FAT4: variants seen among roughly 807,000 people sequenced by gnomAD.
The protein encoded by FAT4 is FAT atypical cadherin 4, also known as protocadherin Fat 4.
In FAT4, 84 loss-of-function variants were observed where a neutral mutation model predicts 303.9. The ratio of observed to expected loss-of-function variants is 0.28; its 90% CI spans 0.23 to 0.33. The LOEUF (loss-of-function observed/expected upper bound fraction) is 0.33. FAT4 is among the 10% of genes least tolerant of loss of function. FAT4 has a pLI of 1.00. For synonymous variants in FAT4, 2,307 were observed against 2,298.8 expected (o/e 1.00, Z -0.10); for missense variants, 6,005 against 6,146.8 (o/e 0.98, Z 0.77).
intron 2 of FAT4, among the ~76,000 whole-genome samples, chr4:125,353,439 C>A (rs2125979937): frequency 6.6e-6 from 1 of 151,538 alleles, no homozygotes; most frequent in East Asian, 1.9e-4. Flanking sequence ...TTGTACTGTG[C>A]CCCAAATTGG....
chr4:125,319,795 C>T lies in FAT4; in HGVS notation c.3384C>T (p.Asp1128=), dbSNP rs1291448764. ...GCAAAGTAAGTGCTGTAGATAAAGACTTTGGGCCAAATGGAGAAGTAAGGT... is the reference window on the plus strand; with the variant it reads ...GCAAAGTAAGTGCTGTAGATAAAGATTTTGGGCCAAATGGAGAAGTAAGGT... ...FVGKVSAVDK[D]FGPNGEVRYS... The change falls in exon 2 of 18, where the codon GAC becomes GAT. Residue 1128 remains aspartate (D), a synonymous_variant. Transcript: ENST00000394329. The T allele has an allele frequency of 6.2e-7, 1 of 1,614,170 alleles. No homozygotes were observed. The highest frequency in any genetic ancestry group is 2.2e-5 in the East Asian group (1 of 44,876).
At chr4:125,403,199 C>T (rs1167004956) in intron 3 of FAT4, among the ~76,000 whole-genome samples, 1 of 152,054 alleles carries the variant, frequency 6.6e-6, no homozygotes, top group African/African-American at 2.4e-5. Context: ...ACTAAATTAA[C>T]CTCCAAAACA....
In FAT4 at chr4:125,490,569, A is replaced by G. The variant is rs755789055; in HGVS notation, c.13753A>G (p.Ile4585Val). The G allele has an allele frequency of 6.2e-7, 1 of 1,614,162 alleles. No homozygotes were observed. Among genetic ancestry groups the G allele is most frequent in the South Asian group, 1.1e-5 (1 of 91,082 alleles). The change falls in exon 18 of 18, where the codon ATC becomes GTC. Residue 4585 changes from isoleucine (I) to valine (V), a missense_variant. Ile to Val is a conservative substitution (Grantham distance 29). Coordinates refer to ENST00000394329, the MANE Select transcript of FAT4 (RefSeq NM_001291303.3). The stretch of plus-strand genomic sequence containing the variant: ...GCCTGAAGGGAACCCAAAACCAGAT[A>G]TCATTGAAAGGGAAAACCCCTACCT... ...KQPEGNPKPDIIERENPYLIY... is the reference protein window; with the variant it reads ...KQPEGNPKPDVIERENPYLIY...
rs758101910 is a variant in FAT4, at chr4:125,319,478, A to G, written c.3067A>G (p.Lys1023Glu). The part of the protein sequence containing the change: ...SRFFKVQASD[K>E]DSGANGEIAY... Reference sequence around the variant, plus strand: ...ATTCTTTAAAGTACAAGCTTCTGATAAGGATTCAGGAGCAAATGGTGAAAT... The same window carrying G: ...ATTCTTTAAAGTACAAGCTTCTGATGAGGATTCAGGAGCAAATGGTGAAAT... Residue 1023 changes from lysine (K) to glutamate (E), a missense_variant, in exon 2 of 18, where the codon AAG becomes GAG. Transcript: ENST00000394329. 4.0e-5 allele frequency: 65 copies of G among 1,612,802 alleles called. 1 individual carries two copies. In the East Asian group the frequency reaches 1.4e-3, roughly 36 times the overall value.
chr4:125,435,415 T>C (rs1030585780), intron 8 of FAT4, among the ~76,000 whole-genome samples: 3 of 152,226 alleles, frequency 2.0e-5, no homozygotes, highest in Non-Finnish European at 4.4e-5. Context: ...GAGCAGAAGA[T>C]AAAATTTGAG....
intron 5 of FAT4, among the ~76,000 whole-genome samples, chr4:125,409,445 G>A (rs1423329940): frequency 6.6e-6 from 1 of 151,888 alleles, no homozygotes; most frequent in African/African-American, 2.4e-5. Flanking sequence ...TAGTAGAGAC[G>A]GGGTTTCTCC....
Position 125,450,271 on chromosome 4 carries a change from T to C in FAT4, c.9261T>C (p.His3087=). 1 of 1,614,038 alleles carries C rather than the reference T, an allele frequency of 6.2e-7. No individual in the cohort carries two copies. Among genetic ancestry groups the C allele is most frequent in the Non-Finnish European group, 8.5e-7 (1 of 1,179,984 alleles). Residue 3087 remains histidine, a synonymous_variant, in exon 10 of 18, where the codon CAT becomes CAC. Coordinates refer to ENST00000394329, the MANE Select transcript of FAT4 (RefSeq NM_001291303.3). ...VHITVTEENY[H]TPEFSQSHMS... is the part of the protein sequence containing the mutation. ...TAACTGTCACTGAGGAAAACTACCA[T>C]ACACCTGAATTCTCTCAAAGCCACA...
At chr4:125,464,701 A>T (rs4996182) in intron 11 of FAT4, among the ~76,000 whole-genome samples, 150,846 of 152,054 alleles carry the variant, frequency 0.99, 74,838 homozygotes, top group Middle Eastern at 1. Flanking sequence ...CGGTGTGTGA[A>T]GATCCCCTTC....
chr4:125,463,493 G>C (rs1707981136), intron 10 of FAT4, 70 bp from the exon 11 acceptor site: 1 of 835,956 alleles, frequency 1.2e-6, no homozygotes, highest in African/African-American at 1.8e-5. Flanking sequence ...TTTTACGTAT[G>C]GTAATGGTGT....
chr4:125,483,587 T>C (rs1727301715), intron 16 of FAT4, among the ~76,000 whole-genome samples: 1 of 152,206 alleles, frequency 6.6e-6, no homozygotes, highest in Non-Finnish European at 1.5e-5. Context: ...GGACAGCGCA[T>C]ACAACTCCAG....
rs550653762 is a variant in FAT4, at chr4:125,331,827, A to G, written c.5175+10241A>G. Among the ~76,000 whole-genome samples the G allele has an allele frequency of 2.0e-5, 3 of 152,326 alleles. No individual in the cohort carries two copies. The East Asian group carries it at 5.8e-4, about 29-fold the overall frequency. ...CATCCTTGTTCAACATTTCACATCA[A>G]TAATATCAGTAAACTTGATTTTAAC... On this transcript the variant is annotated intron_variant, in intron 2 of 17. Transcript: ENST00000394329.
At position 125,451,586 on chromosome 4, in the gene FAT4, G is replaced by A; in HGVS notation, c.10576G>A (p.Gly3526Ser). The A allele has an allele frequency of 6.2e-7, 1 of 1,614,114 alleles. No individual in the cohort carries two copies. Among genetic ancestry groups the A allele is most frequent in the Non-Finnish European group, 8.5e-7 (1 of 1,180,014 alleles). ...EGEVMENKRPGTLVMTLQSTD... is the reference protein window; with the variant it reads ...EGEVMENKRPSTLVMTLQSTD... ...AGAAGTCATGGAAAACAAACGGCCAGGCACTTTGGTGATGACCCTTCAGTC... is the reference window on the plus strand; with the variant it reads ...AGAAGTCATGGAAAACAAACGGCCAAGCACTTTGGTGATGACCCTTCAGTC... The change falls in exon 10 of 18, where the codon GGC becomes AGC. Residue 3526 changes from glycine to serine, a missense_variant. By Grantham distance (56) the Gly-to-Ser change is moderately conservative. Transcript: ENST00000394329.
At chr4:125,436,300 T>TA (rs1396084904) in intron 8 of FAT4, among the ~76,000 whole-genome samples, 5 of 152,340 alleles carry the variant, frequency 3.3e-5, no homozygotes, top group Middle Eastern at 3.4e-3. Flanking sequence ...TGATATCATT[T>TA]ACTGAAATGG....
chr4:125,405,584 C>T (rs1399347712), intron 3 of FAT4, among the ~76,000 whole-genome samples: 2 of 151,812 alleles, frequency 1.3e-5, no homozygotes, highest in South Asian at 2.1e-4. Flanking sequence ...GATCTTGGCT[C>T]ACTGCAAGCT....
intron 11 of FAT4, among the ~76,000 whole-genome samples, chr4:125,466,500 T>C (rs935559812): frequency 6.6e-6 from 1 of 151,570 alleles, no homozygotes; most frequent in Non-Finnish European, 1.5e-5. Flanking sequence ...CTTCACTTAC[T>C]CTTTCTGCAT....
At position 125,408,486 on chromosome 4, in the gene FAT4, G is replaced by T. The variant is rs752186630; in HGVS notation, c.5612G>T (p.Gly1871Val). 6.2e-7 allele frequency: 1 copy of T among 1,612,390 alleles called. No homozygotes were observed. Among genetic ancestry groups the T allele is most frequent in the Non-Finnish European group, 8.5e-7 (1 of 1,179,236 alleles). Residue 1871 changes from glycine to valine, a missense_variant, in exon 5 of 18, where the codon GGT becomes GTT. Transcript: ENST00000394329. ...AAILATDDDS[G>V]VNGEITYIVN... ...ATTTTAGCCACGGATGATGACTCTGGTGTGAATGGAGAAATTACATATATT... is the reference window on the plus strand; with the variant it reads ...ATTTTAGCCACGGATGATGACTCTGTTGTGAATGGAGAAATTACATATATT...
chr4:125,429,354 A>G (rs191916260), intron 7 of FAT4, among the ~76,000 whole-genome samples: 3 of 152,326 alleles, frequency 2.0e-5, no homozygotes, highest in Admixed American at 1.3e-4. Context: ...TTAATTAAAC[A>G]TAATTATTCC....
chr4:125,487,736 T>C, intron 17 of FAT4, 130 bp downstream of exon 17: 1 of 917,338 alleles, frequency 1.1e-6, no homozygotes, highest in Non-Finnish European at 1.5e-6. Flanking sequence ...TTCAATAAAA[T>C]TTATGTTTAA....
In FAT4 at chr4:125,434,415, G is replaced by A. The variant is rs1725381092; in HGVS notation, c.7189G>A (p.Ala2397Thr). 4 of 1,613,958 alleles carry A rather than the reference G, an allele frequency of 2.5e-6. No homozygotes were observed. In the South Asian group the frequency reaches 4.4e-5, roughly 18 times the overall value. ...CTCAGATGCTGATGCTTCAAAGAATGCAGTTATAAGGTCAGTACATTTTCC... is the reference window on the plus strand; with the variant it reads ...CTCAGATGCTGATGCTTCAAAGAATACAGTTATAAGGTCAGTACATTTTCC... ...NASDADASKN[A>T]VISYRIIGGN... The change falls in exon 8 of 18, where the codon GCA (alanine) becomes ACA (threonine). Residue 2397 changes from alanine (A) to threonine (T), a missense_variant. Coordinates refer to ENST00000394329, the MANE Select transcript of FAT4 (RefSeq NM_001291303.3).
Sources: gnomAD v4.1 joint callset for allele counts (sites outside exome capture counted in the v4.1 genomes callset) on GRCh38, gnomAD v4.1.1 for gene constraint, MANE v1.5 for transcripts, NCBI Gene and HGNC (gene_info 2026-07-23, HGNC 2026-07-21) for gene names.